Variants in NCKAP5 observed in about 807,000 individuals in gnomAD.
The protein encoded by NCKAP5 is nck-associated protein 5.
A neutral mutation model predicts 167.0 loss-of-function variants in NCKAP5; 92 were observed. That is an observed-to-expected ratio of 0.55 (90% CI 0.47 to 0.66). The LOEUF is 0.66. Ranked by LOEUF, NCKAP5 falls within the 30% of genes least tolerant of loss-of-function variation. NCKAP5 has a pLI of 0.00. For missense variants in NCKAP5, 2,378 were observed against 2,315.0 expected (o/e 1.03, Z -0.56); for synonymous variants, 891 against 877.4 (o/e 1.02, Z -0.27).
intron 6 of NCKAP5, among the ~76,000 whole-genome samples, chr2:133,077,189 G>A (rs556359467): frequency 1.3e-5 from 2 of 152,198 alleles, no homozygotes; most frequent in Non-Finnish European, 2.9e-5. Context: ...TCTGTGAAAG[G>A]CAGAATATGA....
intron 8 of NCKAP5, among the ~76,000 whole-genome samples, chr2:132,892,397 A>G (rs1425955163): frequency 6.6e-6 from 1 of 152,220 alleles, no homozygotes; most frequent in Non-Finnish European, 1.5e-5. Flanking sequence ...CTTTGTAAAA[A>G]CAACCTTTAA....
rs1018412797 is a variant in NCKAP5 at position 132,682,391 on chromosome 2, GC to G, written c.5714-9087del. ...TAATGAATACTTAAATGGGGAGTCT[GC>G]TGTTCCTGCCACATCCTTTGTTTAT... On this transcript the variant is annotated intron_variant, in intron 19 of 19. Coordinates refer to ENST00000409261, the MANE Select transcript of NCKAP5 (RefSeq NM_207363.3). 7.8e-4 allele frequency among the ~76,000 whole-genome samples: 119 copies of G among 152,150 alleles called. 2 individuals carry two copies. The highest frequency in any genetic ancestry group is 3.8e-4 in the Non-Finnish European group (26 of 68,026).
intron 5 of NCKAP5, among the ~76,000 whole-genome samples, chr2:133,132,684 T>G (rs1009434168): frequency 6.6e-6 from 1 of 151,216 alleles, no homozygotes; most frequent in African/African-American, 2.4e-5. Flanking sequence ...AATTTTTTTT[T>G]TTTTTTTTTG....
At chr2:133,161,506 A>T (rs112858264) in intron 5 of NCKAP5, among the ~76,000 whole-genome samples, 6 of 152,166 alleles carry the variant, frequency 3.9e-5, no homozygotes, top group Admixed American at 1.3e-4. Flanking sequence ...CAGTGTGTCA[A>T]TCACTTTGGC....
chr2:133,522,589 G>A (rs1350934290), intron 2 of NCKAP5, among the ~76,000 whole-genome samples: 1 of 152,132 alleles, frequency 6.6e-6, no homozygotes, highest in Non-Finnish European at 1.5e-5. Context: ...AGCACATGAA[G>A]AACATTTGTT....
At chr2:133,004,444 C>T (rs1449466130) in intron 6 of NCKAP5, among the ~76,000 whole-genome samples, 1 of 152,090 alleles carries the variant, frequency 6.6e-6, no homozygotes, top group Non-Finnish European at 1.5e-5. Flanking sequence ...AGCTGGGCCT[C>T]TGGGGGTGGG....
At chr2:133,627,585 A>T in the NCKAP5 span, among the ~76,000 whole-genome samples, 1 of 152,160 alleles carries the variant, frequency 6.6e-6, no homozygotes, top group Non-Finnish European at 1.5e-5. Flanking sequence ...GACCAGCTGG[A>T]CAGCACGGCG....
At chr2:133,088,680 A>T (rs573522445) in intron 6 of NCKAP5, among the ~76,000 whole-genome samples, 1 of 152,346 alleles carries the variant, frequency 6.6e-6, no homozygotes, top group East Asian at 1.9e-4. Flanking sequence ...AACAGATAAT[A>T]TAATTTACCT....
Position 133,213,589 on chromosome 2 carries a change from T to C in NCKAP5, c.207+127A>G, listed in dbSNP as rs574883236. Reference sequence around the variant, plus strand: ...ATAAATTCTATTATAAATACATCATTTGCCAAAATATCATTAAGTTTGCTG... The same window carrying C: ...ATAAATTCTATTATAAATACATCATCTGCCAAAATATCATTAAGTTTGCTG... On this transcript the variant is annotated intron_variant, in intron 5 of 19. Coordinates refer to ENST00000409261, the MANE Select transcript of NCKAP5 (RefSeq NM_207363.3). 121 of 861,904 alleles carry C rather than the reference T, an allele frequency of 1.4e-4. 1 individual carries two copies. The South Asian group carries it at 1.8e-3, about 13-fold the overall frequency. 53.4% of individuals were successfully genotyped at this position (861,904 alleles called of 1,614,324 possible). A position where few individuals can be genotyped will look rare whatever the true frequency, so the allele number is the denominator to read the frequency against.
At chr2:133,545,740 A>G (rs1686604395) in intron 2 of NCKAP5, among the ~76,000 whole-genome samples, 1 of 152,184 alleles carries the variant, frequency 6.6e-6, no homozygotes, top group Non-Finnish European at 1.5e-5. Flanking sequence ...CGTACCTTAC[A>G]AGAAGATAGC....
chr2:133,474,374 A>G (rs375867510), intron 3 of NCKAP5, among the ~76,000 whole-genome samples: 2 of 152,184 alleles, frequency 1.3e-5, no homozygotes, highest in African/African-American at 4.8e-5. Context: ...AGAGAGTAGA[A>G]TGATGGTTAT....
At chr2:132,824,252 T>C (rs1244323547) in intron 11 of NCKAP5, among the ~76,000 whole-genome samples, 4 of 152,358 alleles carry the variant, frequency 2.6e-5, no homozygotes, top group South Asian at 4.1e-4. Context: ...TAACAGTTCA[T>C]TGATCTTGTC....
At chr2:133,299,917 T>A (rs1000408209) in intron 4 of NCKAP5, among the ~76,000 whole-genome samples, 1 of 151,234 alleles carries the variant, frequency 6.6e-6, no homozygotes, top group African/African-American at 2.4e-5. Flanking sequence ...AAGAATCAAA[T>A]AGACACAATA....
chr2:132,935,986 T>A (rs944252274), intron 8 of NCKAP5, among the ~76,000 whole-genome samples: 2 of 151,726 alleles, frequency 1.3e-5, no homozygotes, highest in Non-Finnish European at 1.5e-5. Context: ...TTTTCTTTTT[T>A]TTTTTTTTTC....
At chr2:132,710,508 C>T (rs1353228980) in intron 19 of NCKAP5, among the ~76,000 whole-genome samples, 1 of 152,150 alleles carries the variant, frequency 6.6e-6, no homozygotes, top group African/African-American at 2.4e-5. Context: ...GTAGAACACT[C>T]TTCCCACCCC....
rs555179445 is a variant in NCKAP5, at chr2:133,110,610, C to A, written c.341+19368G>T. 8.7e-4 allele frequency among the ~76,000 whole-genome samples: 132 copies of A among 152,286 alleles called. 1 individual carries two copies. The highest frequency in any genetic ancestry group is 1.6e-4 in the Non-Finnish European group (11 of 68,034). Reference sequence around the variant, plus strand: ...TTATTTTAGCTTCACTCACATGCATCCTGGTGTGCTTTCTTGAGTGGAAGA... The same window carrying A: ...TTATTTTAGCTTCACTCACATGCATACTGGTGTGCTTTCTTGAGTGGAAGA... On this transcript the variant is annotated intron_variant, in intron 6 of 19. Transcript: ENST00000409261.
chr2:133,640,849 C>G, the NCKAP5 span, among the ~76,000 whole-genome samples: 1 of 152,306 alleles, frequency 6.6e-6, no homozygotes, highest in East Asian at 1.9e-4. Flanking sequence ...ATATGAACAA[C>G]TGCTGTAAGT....
At chr2:132,745,725 G>C (rs546484034) in intron 16 of NCKAP5, among the ~76,000 whole-genome samples, 1 of 152,040 alleles carries the variant, frequency 6.6e-6, no homozygotes, top group Admixed American at 6.6e-5. Context: ...AAAACACTAT[G>C]AGAACTAATA....
chr2:133,496,259 G>T (rs1396311669), intron 3 of NCKAP5, among the ~76,000 whole-genome samples: 3 of 152,160 alleles, frequency 2.0e-5, no homozygotes, highest in Non-Finnish European at 4.4e-5. Flanking sequence ...GCACCTCTGG[G>T]ACAAAATCCT....
Sources: gnomAD v4.1 joint callset for allele counts (sites outside exome capture counted in the v4.1 genomes callset) on GRCh38, gnomAD v4.1.1 for gene constraint, MANE v1.5 for transcripts, NCBI Gene and HGNC (gene_info 2026-07-23, HGNC 2026-07-21) for gene names.